Variants in ANK3 observed in about 807,000 individuals in gnomAD.
The protein encoded by ANK3 is ankyrin 3.
In ANK3, 57 loss-of-function variants were observed where a neutral mutation model predicts 370.9. That is an observed-to-expected ratio of 0.15 (90% CI 0.12 to 0.19). The LOEUF is 0.19. Ranked by LOEUF, ANK3 falls within the 10% of genes least tolerant of loss-of-function variation. The probability of loss-of-function intolerance (pLI) is 1.00; values close to 1 mark genes in which losing one functional copy is unlikely to be tolerated. For missense variants in ANK3, 4,439 were observed against 5,302.1 expected (o/e 0.84, Z 5.06); for synonymous variants, 1,929 against 1,946.3 (o/e 0.99, Z 0.23).
rs188592254 is a variant in ANK3, at chr10:60,587,141, T to A, written c.96+28045A>T. Among the ~76,000 whole-genome samples, 307 of 152,200 alleles carry A rather than the reference T, an allele frequency of 2.0e-3. 3 individuals carry two copies. Among genetic ancestry groups the A allele is most frequent in the Middle Eastern group, 3.4e-3 (1 of 294 alleles). ...AGCAAGAGAGAGAAGAAAGCATGTG[T>A]AGAAGGAACTATCACTTATAAAGCC... On this transcript the variant is annotated intron_variant, in intron 2 of 43. Coordinates refer to the ANK3 transcript ENST00000373827.
chr10:60,541,119 A>G (rs1249747823), intron 2 of ANK3, among the ~76,000 whole-genome samples: 1 of 151,974 alleles, frequency 6.6e-6, no homozygotes, highest in African/African-American at 2.4e-5. Flanking sequence ...ATGGAAAAAA[A>G]GGAAACCTTC....
upstream of ANK3, among the ~76,000 whole-genome samples, chr10:60,391,210 G>C (rs751878323): frequency 3.3e-5 from 5 of 152,200 alleles, no homozygotes; most frequent in African/African-American, 4.8e-5. Flanking sequence ...GTGAACCACA[G>C]GGAAACCACG....
intron 1 of ANK3, among the ~76,000 whole-genome samples, chr10:60,694,109 C>T (rs1427651624): frequency 6.6e-6 from 1 of 151,974 alleles, no homozygotes; most frequent in African/African-American, 2.4e-5. Flanking sequence ...AATGCAGAAG[C>T]CTCAGGAGCC....
chr10:60,082,486 C>CA, intron 34 of ANK3, 129 bp downstream of exon 34: 4 of 1,273,386 alleles, frequency 3.1e-6, no homozygotes, highest in Non-Finnish European at 4.3e-6. Flanking sequence ...AGGCAATCTA[C>CA]ACGAGGAGAC....
chr10:60,310,219 C>T (rs915026763), intron 1 of ANK3, among the ~76,000 whole-genome samples: 1 of 152,044 alleles, frequency 6.6e-6, no homozygotes, highest in African/African-American at 2.4e-5. Flanking sequence ...GCCACTGTGC[C>T]ATACTGCAGT....
rs141089811 is a variant in ANK3 at position 60,730,225 on chromosome 10, A to G, written c.57+3038T>C. Among the ~76,000 whole-genome samples the G allele has an allele frequency of 9.5e-3, 1,442 of 152,190 alleles. 28 individuals are homozygous for G. Among genetic ancestry groups the G allele is most frequent in the African/African-American group, 0.033 (1,358 of 41,504 alleles). On this transcript the variant is annotated intron_variant, in intron 1 of 43. Coordinates refer to the ANK3 transcript ENST00000373827. Reference sequence around the variant, plus strand: ...CAGGCTGGAGTGCAGTGGCATGAGTATCACTTACTGTGGCCTCAACCTCCC... The same window carrying G: ...CAGGCTGGAGTGCAGTGGCATGAGTGTCACTTACTGTGGCCTCAACCTCCC...
intron 26 of ANK3, among the ~76,000 whole-genome samples, chr10:60,111,416 T>G (rs777312587): frequency 1.3e-5 from 2 of 152,228 alleles, no homozygotes; most frequent in Admixed American, 6.5e-5. Flanking sequence ...TGGGTCCTAT[T>G]ATTTAATAAC....
chr10:60,551,446 T>C (rs143281683), intron 2 of ANK3, among the ~76,000 whole-genome samples: 56 of 152,298 alleles, frequency 3.7e-4, no homozygotes, highest in African/African-American at 1.3e-3. Flanking sequence ...TGGGATGCCA[T>C]TTACAAATTA....
intron 1 of ANK3, among the ~76,000 whole-genome samples, chr10:60,322,177 T>TAG (rs2048821325): frequency 6.6e-6 from 1 of 152,158 alleles, no homozygotes; most frequent in African/African-American, 2.4e-5. Context: ...TTTACAAACT[T>TAG]TTAAGCTATT....
At chr10:60,571,090 T>C (rs997494026) in intron 2 of ANK3, among the ~76,000 whole-genome samples, 1 of 147,436 alleles carries the variant, frequency 6.8e-6, no homozygotes. Context: ...AGTGCCACTA[T>C]GCTAGGCATT....
chr10:60,450,185 T>C (rs2064560533), intron 2 of ANK3, among the ~76,000 whole-genome samples: 1 of 152,006 alleles, frequency 6.6e-6, no homozygotes, highest in Non-Finnish European at 1.5e-5. Context: ...TTCCAGCTAC[T>C]TGAGAGGCTG....
At chr10:60,388,723 T>C (rs951237843) in intron 1 of ANK3, among the ~76,000 whole-genome samples, 3 of 152,144 alleles carry the variant, frequency 2.0e-5, no homozygotes, top group African/African-American at 7.2e-5. Context: ...TCTAAAGCAA[T>C]CAGTGTTGAA....
At chr10:60,283,554 G>T (rs1414982040) in intron 1 of ANK3, among the ~76,000 whole-genome samples, 1 of 151,860 alleles carries the variant, frequency 6.6e-6, no homozygotes, top group African/African-American at 2.4e-5. Context: ...TTTTCCTCTG[G>T]GTGACCAAAA....
chr10:60,467,984 CT>C (rs56199348), intron 2 of ANK3, among the ~76,000 whole-genome samples: 49,113 of 135,076 alleles, frequency 0.36, 8,480 homozygotes, highest in Non-Finnish European at 0.43. Flanking sequence ...CATATAAAAA[CT>C]TTTTTTTTTT....
At chr10:60,540,791 G>C (rs1249091454) in intron 2 of ANK3, among the ~76,000 whole-genome samples, 2 of 151,816 alleles carry the variant, frequency 1.3e-5, no homozygotes, top group Admixed American at 1.3e-4. Context: ...GGCTTTACTT[G>C]GTTTCCTAAA....
intron 7 of ANK3, among the ~76,000 whole-genome samples, chr10:60,247,522 C>T (rs1316947592): frequency 6.6e-6 from 1 of 152,206 alleles, no homozygotes; most frequent in African/African-American, 2.4e-5. Flanking sequence ...GCCTATGCCC[C>T]TTTCCTCCCA....
Position 60,702,218 on chromosome 10 carries a change from A to T in ANK3, c.57+31045T>A, listed in dbSNP as rs1003910055. On this transcript the variant is annotated intron_variant, in intron 1 of 43. Coordinates refer to the ANK3 transcript ENST00000373827. Reference sequence around the variant, plus strand: ...GAGGGTGAGGCTGCAAAAAGCTGTGATTTCGCCACTGCACTCCAGCCTGGG... The same window carrying T: ...GAGGGTGAGGCTGCAAAAAGCTGTGTTTTCGCCACTGCACTCCAGCCTGGG... Among the ~76,000 whole-genome samples, 9 of 151,316 alleles carry T rather than the reference A, an allele frequency of 5.9e-5. No individual in the cohort carries two copies. The Admixed American group carries it at 6.0e-4, about 10-fold the overall frequency.
intron 7 of ANK3, among the ~76,000 whole-genome samples, chr10:60,242,488 G>A (rs567855613): frequency 6.6e-6 from 1 of 152,180 alleles, no homozygotes; most frequent in East Asian, 1.9e-4. Context: ...AATTGGGTAG[G>A]GGGAGAAATT....
At chr10:60,589,350 A>G (rs1159370428) in intron 2 of ANK3, among the ~76,000 whole-genome samples, 3 of 152,218 alleles carry the variant, frequency 2.0e-5, no homozygotes, top group Non-Finnish European at 4.4e-5. Context: ...AAAATAAACA[A>G]TATCAATCTC....
Sources: gnomAD v4.1 joint callset for allele counts (sites outside exome capture counted in the v4.1 genomes callset) on GRCh38, gnomAD v4.1.1 for gene constraint, MANE v1.5 for transcripts, NCBI Gene and HGNC (gene_info 2026-07-23, HGNC 2026-07-21) for gene names.